The following ARHGAP15 variants were observed in gnomAD, a reference collection of about 807,000 sequenced individuals.
ARHGAP15 encodes the protein Rho GTPase activating protein 15.
In ARHGAP15, 51 loss-of-function variants were observed where a neutral mutation model predicts 63.7. The observed-to-expected ratio is 0.80, with a 90% CI of 0.64 to 1.01. The LOEUF is 1.01. ARHGAP15 is among the 50% of genes least tolerant of loss of function. The pLI is 0.00. For missense variants in ARHGAP15, 560 were observed against 564.6 expected (o/e 0.99, Z 0.08); for synonymous variants, 191 against 193.8 (o/e 0.99, Z 0.12).
chr2:143,536,349 T>C (rs10164709), intron 10 of ARHGAP15, among the ~76,000 whole-genome samples: 2,388 of 152,284 alleles, frequency 0.016, 59 homozygotes, highest in African/African-American at 0.055. Flanking sequence ...ACGTCCTCCA[T>C]GTTCATTCAT....
chr2:143,451,667 C>A (rs1381994382), intron 8 of ARHGAP15, among the ~76,000 whole-genome samples: 2 of 151,840 alleles, frequency 1.3e-5, no homozygotes, highest in Non-Finnish European at 2.9e-5. Context: ...AAAAAAAATA[C>A]AAATTTCTCT....
intron 11 of ARHGAP15, among the ~76,000 whole-genome samples, chr2:143,598,945 A>G (rs1241831837): frequency 1.3e-5 from 2 of 151,986 alleles, no homozygotes; most frequent in East Asian, 3.9e-4. Flanking sequence ...TTTTTTAAAA[A>G]AAACTAAGTT....
intron 11 of ARHGAP15, among the ~76,000 whole-genome samples, chr2:143,604,354 T>C (rs777968307): frequency 3.9e-5 from 6 of 152,222 alleles, no homozygotes; most frequent in Admixed American, 2.6e-4. Flanking sequence ...ACTGTGTTTG[T>C]GTGTGTGCAC....
chr2:143,293,090 A>G (rs558876460), intron 6 of ARHGAP15, among the ~76,000 whole-genome samples: 1 of 152,178 alleles, frequency 6.6e-6, no homozygotes, highest in South Asian at 2.1e-4. Context: ...ATACCCATGG[A>G]AGCTCCAGTG....
chr2:143,619,234 A>C (rs1215011500), intron 11 of ARHGAP15, among the ~76,000 whole-genome samples: 1 of 152,198 alleles, frequency 6.6e-6, no homozygotes, highest in Non-Finnish European at 1.5e-5. Flanking sequence ...CCTAATAGCT[A>C]CTGTCAAATT....
At chr2:143,566,749 C>T (rs1696240859) in intron 11 of ARHGAP15, among the ~76,000 whole-genome samples, 1 of 152,148 alleles carries the variant, frequency 6.6e-6, no homozygotes, top group Non-Finnish European at 1.5e-5. Context: ...CCCCTTTCCA[C>T]AGTCAGGTCA....
intron 6 of ARHGAP15, among the ~76,000 whole-genome samples, chr2:143,293,183 TAATC>T (rs1682485144): frequency 6.6e-6 from 1 of 152,032 alleles, no homozygotes; most frequent in South Asian, 2.1e-4. Flanking sequence ...ACTTTATTAT[TAATC>T]AAGAAGACAC....
chr2:143,673,816 AAAC>A (rs1264952608), intron 12 of ARHGAP15, among the ~76,000 whole-genome samples: 1 of 132,572 alleles, frequency 7.5e-6, no homozygotes, highest in African/African-American at 2.6e-5. Context: ...AGACAAAGTC[AAAC>A]AACCCTATAC....
chr2:143,540,642 G>T (rs1695005218), intron 10 of ARHGAP15, among the ~76,000 whole-genome samples: 1 of 152,096 alleles, frequency 6.6e-6, no homozygotes, highest in Non-Finnish European at 1.5e-5. Context: ...ATGAAGCTTA[G>T]TTTGGCTGGA....
intron 5 of ARHGAP15, among the ~76,000 whole-genome samples, chr2:143,242,492 G>A (rs930223370): frequency 1.3e-5 from 2 of 152,186 alleles, no homozygotes; most frequent in African/African-American, 4.8e-5. Flanking sequence ...TTTTGATTCA[G>A]AAACAAATAC....
intron 3 of ARHGAP15, among the ~76,000 whole-genome samples, chr2:143,206,063 A>G (rs1692320092): frequency 6.6e-6 from 1 of 152,056 alleles, no homozygotes; most frequent in Non-Finnish European, 1.5e-5. Flanking sequence ...ACATACCCTC[A>G]AGCCAGGAGT....
chr2:143,471,551 G>A (rs1691578359), intron 8 of ARHGAP15, among the ~76,000 whole-genome samples: 1 of 151,982 alleles, frequency 6.6e-6, no homozygotes, highest in South Asian at 2.1e-4. Flanking sequence ...GGGGATAGAG[G>A]GCTCCTAAGT....
chr2:143,611,689 G>A (rs753272606), intron 11 of ARHGAP15, among the ~76,000 whole-genome samples: 8 of 151,984 alleles, frequency 5.3e-5, no homozygotes, highest in Non-Finnish European at 1.2e-4. Flanking sequence ...TATCTACTTA[G>A]CATCACCAAA....
chr2:143,413,966 T>TGTGTGTGTGTGTGTGCGCGCGCGCGCGC, intron 6 of ARHGAP15, among the ~76,000 whole-genome samples: 24 of 117,920 alleles, frequency 2.0e-4, no homozygotes, highest in African/African-American at 7.8e-4. Context: ...TGTGTGTGTG[T>TGTGTGTGTGTGTGTGCGCGCGCGCGCGC]GCGCGCTCTC....
At chr2:143,183,669 A>C (rs986560582) in intron 2 of ARHGAP15, among the ~76,000 whole-genome samples, 1 of 152,070 alleles carries the variant, frequency 6.6e-6, no homozygotes, top group African/African-American at 2.4e-5. Context: ...AAAACACTTT[A>C]AAAATCTCTA....
intron 6 of ARHGAP15, among the ~76,000 whole-genome samples, chr2:143,284,067 T>C (rs747099114): frequency 6.6e-5 from 10 of 152,134 alleles, no homozygotes; most frequent in Non-Finnish European, 1.3e-4. Context: ...CTCGATCGCC[T>C]CCCACTCCTG....
At chr2:143,404,635 A>G (rs1016201643) in intron 6 of ARHGAP15, among the ~76,000 whole-genome samples, 14 of 152,018 alleles carry the variant, frequency 9.2e-5, no homozygotes, top group South Asian at 2.1e-4. Context: ...TAAGATGTAA[A>G]CTATGAAGTC....
intron 6 of ARHGAP15, among the ~76,000 whole-genome samples, chr2:143,262,982 A>G (rs997602588): frequency 2.0e-5 from 3 of 152,104 alleles, no homozygotes; most frequent in African/African-American, 7.2e-5. Context: ...CACATATTCC[A>G]CCTACTGGAG....
At chr2:143,551,767 A>G (rs1170987988) in intron 10 of ARHGAP15, among the ~76,000 whole-genome samples, 1 of 152,200 alleles carries the variant, frequency 6.6e-6, no homozygotes, top group South Asian at 2.1e-4. Context: ...CAATAATTAA[A>G]TTAAAATGGC....
Sources: gnomAD v4.1 joint callset for allele counts (sites outside exome capture counted in the v4.1 genomes callset) on GRCh38, gnomAD v4.1.1 for gene constraint, MANE v1.5 for transcripts, NCBI Gene and HGNC (gene_info 2026-07-23, HGNC 2026-07-21) for gene names.